ADAMTSL1: variants seen among roughly 807,000 people sequenced by gnomAD.
ADAMTSL1 encodes the protein ADAMTS like 1.
ADAMTSL1 carries 126 observed loss-of-function variants against 201.8 expected under a neutral mutation model. The observed-to-expected ratio is 0.62, with a 90% CI of 0.54 to 0.72. The LOEUF (loss-of-function observed/expected upper bound fraction) is 0.72. Among genes scored for constraint, ADAMTSL1 ranks in the 30% least tolerant of loss-of-function variants. The pLI, the probability that ADAMTSL1 is intolerant of heterozygous loss-of-function variation, is 0.00. For missense variants in ADAMTSL1, 2,679 were observed against 2,277.8 expected, an observed-to-expected ratio of 1.18 and a Z score of -3.59; for synonymous variants, 1,121 against 903.4, an observed-to-expected ratio of 1.24 and a Z score of -4.32.
intron 23 of ADAMTSL1, among the ~76,000 whole-genome samples, chr9:18,847,321 A>G (rs1281633948): frequency 6.6e-6 from 1 of 152,196 alleles, no homozygotes; most frequent in South Asian, 2.1e-4. Context: ...AAAGTATTCC[A>G]TGCACTGATA....
In ADAMTSL1 at chr9:18,853,918, T is replaced by TGTGTGTGTGTGTGTGTGTGCGCGCGC. The variant is rs139332733; in HGVS notation, c.4249+23942_4249+23943insTGTGTGTGTGTGTGTGTGCGCGCGCG. 1.7e-4 allele frequency among the ~76,000 whole-genome samples: 25 copies of TGTGTGTGTGTGTGTGTGTGCGCGCGC among 145,490 alleles called. No individual in the cohort carries two copies. The East Asian group carries it at 3.8e-3, about 22-fold the overall frequency. On this transcript the variant is annotated intron_variant, in intron 23 of 28. Coordinates refer to ENST00000380548, the MANE Select transcript of ADAMTSL1 (RefSeq NM_001040272.6). ...GTGTGTGTGTGTGTGTGTGTGTGTG[T>TGTGTGTGTGTGTGTGTGTGCGCGCGC]GCGCGTGCATGCAAATAGTTGATTA...
chr9:18,809,592 C>A (rs1375622383), intron 20 of ADAMTSL1, among the ~76,000 whole-genome samples: 1 of 152,212 alleles, frequency 6.6e-6, no homozygotes, highest in East Asian at 1.9e-4. Flanking sequence ...GAGTTCGAGA[C>A]CAGCCTGACC....
intron 20 of ADAMTSL1, among the ~76,000 whole-genome samples, chr9:18,807,645 C>CAGA (rs1823237650): frequency 1.5e-5 from 1 of 68,586 alleles, no homozygotes; most frequent in Non-Finnish European, 3.1e-5. Context: ...GACTCTGTCT[C>CAGA]AAAAAAAAAA....
intron 1 of ADAMTSL1, among the ~76,000 whole-genome samples, chr9:18,009,281 A>G (rs1819954963): frequency 6.6e-6 from 1 of 151,772 alleles, no homozygotes; most frequent in South Asian, 2.1e-4. Flanking sequence ...CATCTCTTTC[A>G]GGAGGCTTAT....
intron 11 of ADAMTSL1, 109 bp from the exon 12 acceptor site, chr9:18,681,703 G>GGGC: frequency 1.4e-6 from 1 of 710,280 alleles, no homozygotes; most frequent in South Asian, 3.2e-5. Context: ...CGTGTGGGGG[G>GGGC]GGGGGGCGGG....
chr9:18,195,987 A>C (rs571282278), intron 2 of ADAMTSL1, among the ~76,000 whole-genome samples: 3 of 152,292 alleles, frequency 2.0e-5, no homozygotes, highest in African/African-American at 7.2e-5. Context: ...AAAGAAAAAA[A>C]ACAATTCATA....
chr9:18,828,696 A>ATATATATATATATATATATT lies in ADAMTSL1; in HGVS notation c.4115-1147_4115-1146insTATATATATATATATATATT, dbSNP rs1384860090. 1.4e-3 allele frequency among the ~76,000 whole-genome samples: 127 copies of ATATATATATATATATATATT among 91,028 alleles called. 1 individual carries two copies. Among genetic ancestry groups the ATATATATATATATATATATT allele is most frequent in the Non-Finnish European group, 2.5e-3 (110 of 44,868 alleles). The allele number at this position is 91,028 out of a possible 152,430, so 59.7% of individuals were successfully genotyped here. On this transcript the variant is annotated intron_variant, in intron 22 of 28. Coordinates refer to ENST00000380548, the MANE Select transcript of ADAMTSL1 (RefSeq NM_001040272.6). ...TATATATATATATATATATATATAAAATGTGTGTGTGTGTATATATATATA... is the reference window on the plus strand; with the variant it reads ...TATATATATATATATATATATATAAATATATATATATATATATATTATGTGTGTGTGTGTATATATATATA...
intron 12 of ADAMTSL1, among the ~76,000 whole-genome samples, chr9:18,683,264 G>A (rs1389614153): frequency 7.3e-6 from 1 of 136,412 alleles, no homozygotes; most frequent in Non-Finnish European, 1.5e-5. Context: ...TCACTCTGTT[G>A]CCCAGGCTGG....
At chr9:17,975,477 A>G (rs950101283) in intron 1 of ADAMTSL1, among the ~76,000 whole-genome samples, 2 of 151,982 alleles carry the variant, frequency 1.3e-5, no homozygotes, top group Admixed American at 6.6e-5. Context: ...TCCACTCATC[A>G]AGAGCACTAA....
chr9:18,078,078 A>T (rs1383415253), intron 1 of ADAMTSL1, among the ~76,000 whole-genome samples: 1 of 152,198 alleles, frequency 6.6e-6, no homozygotes, highest in African/African-American at 2.4e-5. Context: ...TAGTGAGCAA[A>T]CAAGCCTGCT....
intron 3 of ADAMTSL1, among the ~76,000 whole-genome samples, chr9:18,554,909 C>A (rs116925579): frequency 2.0e-5 from 3 of 150,286 alleles, no homozygotes; most frequent in African/African-American, 7.3e-5. Flanking sequence ...TCAAGGTTTA[C>A]TCTTGTGTTG....
chr9:18,485,071 A>G (rs559105223), intron 1 of ADAMTSL1, among the ~76,000 whole-genome samples: 1 of 152,338 alleles, frequency 6.6e-6, no homozygotes, highest in African/African-American at 2.4e-5. Context: ...TCTAATTCTC[A>G]TAAGAACCCT....
chr9:18,444,589 T>A (rs1322236757), intron 2 of ADAMTSL1, among the ~76,000 whole-genome samples: 1 of 152,130 alleles, frequency 6.6e-6, no homozygotes, highest in Non-Finnish European at 1.5e-5. Flanking sequence ...TCCTCAGTAT[T>A]TCACCTGTGC....
At chr9:18,429,991 T>C (rs934628927) in intron 2 of ADAMTSL1, among the ~76,000 whole-genome samples, 4 of 152,060 alleles carry the variant, frequency 2.6e-5, no homozygotes, top group Non-Finnish European at 5.9e-5. Flanking sequence ...GGTTTCACTA[T>C]GTTGGCCAGG....
At chr9:18,332,745 C>T (rs570100889) in intron 2 of ADAMTSL1, among the ~76,000 whole-genome samples, 1 of 152,248 alleles carries the variant, frequency 6.6e-6, no homozygotes, top group African/African-American at 2.4e-5. Flanking sequence ...ATAGTTATTT[C>T]CCTAGGTGAA....
At position 18,826,311 on chromosome 9, in the gene ADAMTSL1, T is replaced by G; in HGVS notation, c.3962T>G (p.Phe1321Cys). 1.2e-6 allele frequency: 2 copies of G among 1,613,046 alleles called. No individual in the cohort carries two copies. Among genetic ancestry groups the G allele is most frequent in the Non-Finnish European group, 1.7e-6 (2 of 1,179,624 alleles). Residue 1321 changes from phenylalanine to cysteine, a missense_variant, in exon 22 of 29, where the codon TTC becomes TGC. Coordinates refer to ENST00000380548, the MANE Select transcript of ADAMTSL1 (RefSeq NM_001040272.6). The part of the protein sequence containing the change: ...AGVPEAEVTW[F>C]RNKSKLGSPH... ...GTGCCTGAAGCTGAAGTCACTTGGT[T>G]CAGGAATAAAAGCAAACTGGGCTCC... is the stretch of plus-strand genomic sequence containing the variant.
chr9:18,675,205 A>T (rs980474310), intron 9 of ADAMTSL1, among the ~76,000 whole-genome samples: 1 of 152,196 alleles, frequency 6.6e-6, no homozygotes, highest in African/African-American at 2.4e-5. Context: ...CCCACTTTTC[A>T]TAATATCTCA....
intron 2 of ADAMTSL1, among the ~76,000 whole-genome samples, chr9:18,207,216 A>T (rs911521900): frequency 1.3e-5 from 2 of 152,118 alleles, no homozygotes; most frequent in Non-Finnish European, 2.9e-5. Context: ...GAAAGGAAGA[A>T]GGTAGGAATG....
At chr9:18,543,762 C>T (rs1413559703) in intron 3 of ADAMTSL1, among the ~76,000 whole-genome samples, 2 of 152,168 alleles carry the variant, frequency 1.3e-5, no homozygotes, top group South Asian at 4.1e-4. Flanking sequence ...CTATAGATCT[C>T]CCTGCAGTGC....
Sources: allele counts gnomAD v4.1 joint callset (sites outside exome capture counted in the v4.1 genomes callset), GRCh38; gene constraint gnomAD v4.1.1; transcripts MANE v1.5; gene names NCBI Gene and HGNC (gene_info 2026-07-23, HGNC 2026-07-21).